The following DSCAM variants were observed in gnomAD, a reference collection of about 807,000 sequenced individuals.
The protein encoded by DSCAM is cell adhesion molecule DSCAM.
Under a neutral mutation model 217.7 loss-of-function variants are expected in DSCAM, and 47 were observed. That is an observed-to-expected ratio of 0.22 (90% CI 0.17 to 0.28). The LOEUF is 0.28. DSCAM is among the 10% of genes least tolerant of loss of function. DSCAM has a pLI of 1.00. For synonymous variants in DSCAM, 1,056 were observed against 1,015.3 expected, an observed-to-expected ratio of 1.04 and a Z score of -0.76; for missense variants, 2,080 against 2,618.3, an observed-to-expected ratio of 0.79 and a Z score of 4.49.
intron 3 of DSCAM, among the ~76,000 whole-genome samples, chr21:40,669,396 G>A (rs9980820): frequency 0.89 from 134,942 of 152,118 alleles, 59,992 homozygotes; most frequent in East Asian, 1. Context: ...TACTCTCAAC[G>A]TGTACTCATT....
chr21:40,683,371 A>G (rs1021653160), intron 3 of DSCAM, among the ~76,000 whole-genome samples: 1 of 152,146 alleles, frequency 6.6e-6, no homozygotes, highest in East Asian at 1.9e-4. Context: ...ACTATAAACT[A>G]TTATCTCAAA....
intron 11 of DSCAM, among the ~76,000 whole-genome samples, chr21:40,189,873 G>C (rs1261751890): frequency 6.6e-6 from 1 of 152,128 alleles, no homozygotes; most frequent in East Asian, 1.9e-4. Flanking sequence ...AGGCATGTCT[G>C]TATCAGCAGC....
chr21:40,674,487 A>G (rs966228189), intron 3 of DSCAM, among the ~76,000 whole-genome samples: 6 of 152,194 alleles, frequency 3.9e-5, no homozygotes. Flanking sequence ...CACATGAAGG[A>G]TATAACGAGT....
intron 11 of DSCAM, among the ~76,000 whole-genome samples, chr21:40,232,560 T>C (rs947041371): frequency 1.3e-5 from 2 of 152,152 alleles, no homozygotes; most frequent in Admixed American, 1.3e-4. Flanking sequence ...CTGCCCAAGC[T>C]GTTTGACATT....
intron 11 of DSCAM, among the ~76,000 whole-genome samples, chr21:40,228,600 T>C (rs1005227241): frequency 3.9e-5 from 6 of 151,926 alleles, no homozygotes; most frequent in African/African-American, 1.4e-4. Flanking sequence ...ATCACCATCA[T>C]TGCTTGTTTA....
intron 3 of DSCAM, among the ~76,000 whole-genome samples, chr21:40,658,257 T>C (rs1237660531): frequency 6.6e-6 from 1 of 152,200 alleles, no homozygotes; most frequent in Non-Finnish European, 1.5e-5. Context: ...TCAAAGGCAA[T>C]TGCACAAATG....
chr21:40,517,185 G>A (rs2076308109), intron 3 of DSCAM, among the ~76,000 whole-genome samples: 1 of 145,132 alleles, frequency 6.9e-6, no homozygotes, highest in Admixed American at 7.0e-5. Flanking sequence ...CCTCATATAC[G>A]CTCTCTCTGC....
chr21:40,170,060 G>A (rs1389702617), intron 15 of DSCAM, among the ~76,000 whole-genome samples: 2 of 152,238 alleles, frequency 1.3e-5, no homozygotes, highest in East Asian at 3.9e-4. Flanking sequence ...GCTCCCAGAA[G>A]GCACCTCGCC....
intron 32 of DSCAM, among the ~76,000 whole-genome samples, chr21:40,036,937 G>T (rs1396283467): frequency 6.6e-6 from 1 of 150,694 alleles, no homozygotes; most frequent in Non-Finnish European, 1.5e-5. Flanking sequence ...CTGCATAGAT[G>T]CAGAAAGGGC....
At chr21:40,802,054 C>T (rs528340499) in intron 1 of DSCAM, among the ~76,000 whole-genome samples, 5 of 152,244 alleles carry the variant, frequency 3.3e-5, no homozygotes, top group East Asian at 1.9e-4. Flanking sequence ...GCAATGCCCA[C>T]GTTGGACAGC....
At chr21:40,729,603 C>CA (rs973160032) in intron 1 of DSCAM, among the ~76,000 whole-genome samples, 11 of 152,146 alleles carry the variant, frequency 7.2e-5, no homozygotes, top group African/African-American at 2.7e-4. Flanking sequence ...CACAGCCACA[C>CA]AAAAACAAGA....
chr21:40,531,491 G>T (rs2076446446), intron 3 of DSCAM, among the ~76,000 whole-genome samples: 2 of 152,232 alleles, frequency 1.3e-5, no homozygotes, highest in South Asian at 4.1e-4. Context: ...CTGATGGGCA[G>T]GGACCACGTC....
At chr21:40,365,847 C>G (rs2074826832) in intron 4 of DSCAM, among the ~76,000 whole-genome samples, 1 of 152,130 alleles carries the variant, frequency 6.6e-6, no homozygotes, top group East Asian at 1.9e-4. Context: ...TTCTAGTTAT[C>G]CTCAGAGAAA....
chr21:40,361,691 G>T (rs1036331787), intron 4 of DSCAM, among the ~76,000 whole-genome samples: 1 of 152,136 alleles, frequency 6.6e-6, no homozygotes, highest in Non-Finnish European at 1.5e-5. Context: ...ATCATTACAT[G>T]ACTAGCATGT....
chr21:40,442,996 T>A (rs2075645312), intron 3 of DSCAM, among the ~76,000 whole-genome samples: 1 of 152,188 alleles, frequency 6.6e-6, no homozygotes, highest in Non-Finnish European at 1.5e-5. Context: ...TAACTGTTCT[T>A]GTTATAAAGT....
chr21:40,535,489 T>C (rs1024945810), intron 3 of DSCAM, among the ~76,000 whole-genome samples: 9 of 152,214 alleles, frequency 5.9e-5, no homozygotes, highest in Non-Finnish European at 5.9e-5. Context: ...AGTCACAGTG[T>C]TTGTCGAAGT....
At chr21:40,387,705 C>T (rs2075099335) in intron 3 of DSCAM, among the ~76,000 whole-genome samples, 1 of 152,010 alleles carries the variant, frequency 6.6e-6, no homozygotes, top group Non-Finnish European at 1.5e-5. Context: ...TCAGAAGAAG[C>T]AATAGAGGCC....
At chr21:40,483,547 G>A (rs770116098) in intron 3 of DSCAM, among the ~76,000 whole-genome samples, 3 of 152,066 alleles carry the variant, frequency 2.0e-5, no homozygotes, top group Non-Finnish European at 4.4e-5. Context: ...TGATGTTTTT[G>A]CCTGATTACA....
At position 40,268,242 on chromosome 21, in the gene DSCAM, C is replaced by T. The variant is rs185909071; in HGVS notation, c.2356+7855G>A. Among the ~76,000 whole-genome samples the T allele has an allele frequency of 1.5e-3, 231 of 152,312 alleles. 2 individuals carry two copies. Among genetic ancestry groups the T allele is most frequent in the African/African-American group, 4.9e-3 (204 of 41,564 alleles). ...AACTAATACTTGGTCTTATTCAGAG[C>T]ACGCAGGATGTAGAACAATTCTTGA... On this transcript the variant is annotated intron_variant, in intron 11 of 32. Coordinates refer to ENST00000400454, the MANE Select transcript of DSCAM (RefSeq NM_001389.5).
Sources: allele counts gnomAD v4.1 joint callset (sites outside exome capture counted in the v4.1 genomes callset), GRCh38; gene constraint gnomAD v4.1.1; transcripts MANE v1.5; gene names NCBI Gene and HGNC (gene_info 2026-07-23, HGNC 2026-07-21).